The following SYNE3 variants were observed in gnomAD, a reference collection of about 807,000 sequenced individuals.
SYNE3 encodes the protein nesprin-3.
A neutral mutation model predicts 111.2 loss-of-function variants in SYNE3; 100 were observed. That is an observed-to-expected ratio of 0.90 (90% CI 0.77 to 1.06). The LOEUF is 1.06. Among genes scored for constraint, SYNE3 ranks in the 50% least tolerant of loss-of-function variants. The probability of loss-of-function intolerance (pLI) is 0.00; values close to 1 mark genes in which losing one functional copy is unlikely to be tolerated. For missense variants in SYNE3, 1,160 were observed against 1,240.3 expected, an observed-to-expected ratio of 0.94 and a Z score of 0.97; for synonymous variants, 547 against 533.9, an observed-to-expected ratio of 1.02 and a Z score of -0.34.
intron 2 of SYNE3, among the ~76,000 whole-genome samples, chr14:95,471,868 T>C (rs1285231986): frequency 6.6e-6 from 1 of 152,048 alleles, no homozygotes; most frequent in Non-Finnish European, 1.5e-5. Flanking sequence ...TGGAGAGAAG[T>C]ATCAGGAGAC....
intron 7 of SYNE3, chr14:95,450,472 C>T (rs752924278): frequency 7.5e-5 from 15 of 201,226 alleles, no homozygotes; most frequent in Non-Finnish European, 1.2e-4. Context: ...GCCAGGAGTA[C>T]GAGACCAGCC....
chr14:95,475,877 AG>A, intron 1 of SYNE3, 42 bp from the exon 2 acceptor site: 1 of 1,398,584 alleles, frequency 7.2e-7, no homozygotes. Context: ...GCAGGAATGT[AG>A]GGGGCTGCAA....
rs1295550613 is a variant in SYNE3, at chr14:95,450,045, G to A, written c.1335C>T (p.Phe445=). ...NAAAVELWQH[F]QRPLQDLQLW... ...GCTGCAGATCCTGCAGAGGCCGCTG[G>A]AAATGCTGCCACAGCTCCACCGCCG... The change falls in exon 8 of 18, where the codon TTC becomes TTT. Residue 445 remains phenylalanine (F), a synonymous_variant. Transcript: ENST00000682763. 6.4e-7 allele frequency: 1 copy of A among 1,565,588 alleles called. No homozygotes were observed. The highest frequency in any genetic ancestry group is 8.7e-7 in the Non-Finnish European group (1 of 1,155,146).
intron 15 of SYNE3, among the ~76,000 whole-genome samples, chr14:95,435,437 A>G (rs1218590124): frequency 2.0e-5 from 3 of 152,200 alleles, no homozygotes; most frequent in Non-Finnish European, 4.4e-5. Flanking sequence ...ACGAAGAGAG[A>G]AAAGGATGAA....
At chr14:95,418,096 G>T in intron 17 of SYNE3, 70 bp from the exon 18 acceptor site, 1 of 1,531,414 alleles carries the variant, frequency 6.5e-7, no homozygotes. Context: ...TTCAGGGGGC[G>T]AGGAGGATGC....
rs562878238 is a variant in SYNE3, at chr14:95,444,634, G to T, written c.1633-6C>A. 0.012 allele frequency: 9,365 copies of T among 796,106 alleles called. 30 individuals are homozygous for T. Among genetic ancestry groups the T allele is most frequent in the Non-Finnish European group, 0.015 (8,689 of 589,932 alleles). 49.3% of individuals were successfully genotyped at this position (796,106 alleles called of 1,614,324 possible). ...TTGTGCTGAGCGAGCAGGCTCTGCA[G>T]AGACACAGGACAGTGTGCACATTAA... On this transcript the variant is annotated splice_region_variant and splice_polypyrimidine_tract_variant and intron_variant, in intron 9 of 17. Transcript: ENST00000682763.
In SYNE3 at chr14:95,475,865, A is replaced by G. The variant is rs768328507; in HGVS notation, c.-14-30T>C. 3 of 1,447,704 alleles carry G rather than the reference A, an allele frequency of 2.1e-6. No individual in the cohort carries two copies. In the East Asian group the frequency reaches 7.6e-5, roughly 36 times the overall value. The allele number at this position is 1,447,704 out of a possible 1,614,324, so 89.7% of individuals were successfully genotyped here. Reference sequence around the variant, plus strand: ...AGAAAGGGCCACAGATAAGGCCAACAGGCAGGAATGTAGGGGGCTGCAAAA... The same window carrying G: ...AGAAAGGGCCACAGATAAGGCCAACGGGCAGGAATGTAGGGGGCTGCAAAA... On this transcript the variant is annotated intron_variant, in intron 1 of 17. Transcript: ENST00000682763.
At chr14:95,429,802 T>C (rs1336561304) in intron 17 of SYNE3, 3 of 392,572 alleles carry the variant, frequency 7.6e-6, no homozygotes, top group Non-Finnish European at 1.0e-5. Context: ...ACAAGTGGTG[T>C]GACCTTCAGA....
intron 1 of SYNE3, among the ~76,000 whole-genome samples, chr14:95,499,496 C>A (rs1360275227): frequency 6.6e-6 from 1 of 152,086 alleles, no homozygotes; most frequent in Non-Finnish European, 1.5e-5. Flanking sequence ...TACATTCACC[C>A]ATTGGCTTTG....
At chr14:95,494,852 C>A (rs537692866) in intron 1 of SYNE3, among the ~76,000 whole-genome samples, 1 of 152,058 alleles carries the variant, frequency 6.6e-6, no homozygotes, top group South Asian at 2.1e-4. Flanking sequence ...GTGGCTCATG[C>A]CTGTAATCCC....
intron 4 of SYNE3, among the ~76,000 whole-genome samples, chr14:95,464,797 A>T (rs1888063696): frequency 6.6e-6 from 1 of 152,248 alleles, no homozygotes; most frequent in South Asian, 2.1e-4. Context: ...CCCCCCAAGG[A>T]AACAATCTAC....
chr14:95,430,653 G>T lies in SYNE3; in HGVS notation c.2727+1426C>A, dbSNP rs188299990. On this transcript the variant is annotated intron_variant, in intron 17 of 17. Transcript: ENST00000682763. The stretch of plus-strand genomic sequence containing the variant: ...AGCCTGGCCAACATGGTGAAACCCC[G>T]TCTCTACTGAAAATACAAAAATTAG... 2.6e-3 allele frequency among the ~76,000 whole-genome samples: 395 copies of T among 152,194 alleles called. 8 individuals are homozygous for T. The highest frequency in any genetic ancestry group is 9.7e-3 in the East Asian group (50 of 5,174).
In SYNE3 at chr14:95,408,435, C is replaced by G. The variant is rs1903340889; in HGVS notation, c.*9391G>C. The G allele has an allele frequency of 6.6e-6, 1 of 152,246 alleles. No homozygotes were observed. The highest frequency in any genetic ancestry group is 1.5e-5 in the Non-Finnish European group (1 of 68,104). 9.4% of individuals were successfully genotyped at this position (152,246 alleles called of 1,614,324 possible). On this transcript the variant is annotated 3_prime_UTR_variant, in exon 18 of 18. Transcript: ENST00000682763. ...AAGAGGGCATCGTGTCTAAACCAGC[C>G]CAAGGAAATTCCCAGATGACACAGA...
intron 17 of SYNE3, among the ~76,000 whole-genome samples, chr14:95,422,673 C>T (rs931194794): frequency 6.6e-6 from 1 of 152,186 alleles, no homozygotes; most frequent in East Asian, 1.9e-4. Context: ...AAAGATGCTT[C>T]CAGGCAGGCA....
intron 1 of SYNE3, among the ~76,000 whole-genome samples, chr14:95,513,521 C>T (rs1890794046): frequency 6.6e-6 from 1 of 152,018 alleles, no homozygotes; most frequent in Non-Finnish European, 1.5e-5. Flanking sequence ...CCTCAATTAT[C>T]TTCGCAGCAA....
intron 1 of SYNE3, among the ~76,000 whole-genome samples, chr14:95,487,445 T>C (rs1181541152): frequency 6.6e-6 from 1 of 152,142 alleles, no homozygotes; most frequent in Non-Finnish European, 1.5e-5. Context: ...TCACTGTCCG[T>C]GTTGCTGGCA....
At position 95,408,314 on chromosome 14, in the gene SYNE3, A is replaced by G. The variant is rs1327450544; in HGVS notation, c.*9512T>C. On this transcript the variant is annotated 3_prime_UTR_variant, in exon 18 of 18. Transcript: ENST00000682763. ...GGTATTGGAAACTTGCCATTTTCCC[A>G]ACACACACACACAGAAAGAGAGAGA... is the stretch of plus-strand genomic sequence containing the variant. 1 of 151,788 alleles carries G rather than the reference A, an allele frequency of 6.6e-6. No individual in the cohort carries two copies. Among genetic ancestry groups the G allele is most frequent in the Non-Finnish European group, 1.5e-5 (1 of 67,912 alleles). 9.4% of individuals were successfully genotyped at this position (151,788 alleles called of 1,614,324 possible).
chr14:95,452,359 C>T lies in SYNE3; in HGVS notation c.1162G>A (p.Glu388Lys), dbSNP rs752557620. 3 of 1,612,112 alleles carry T rather than the reference C, an allele frequency of 1.9e-6. No individual in the cohort carries two copies. The highest frequency in any genetic ancestry group is 1.3e-5 in the African/African-American group (1 of 74,926). The change falls in exon 7 of 18, where the codon GAG becomes AAG. Residue 388 changes from glutamate to lysine, a missense_variant. Glu to Lys is a moderately conservative substitution (Grantham distance 56). Transcript: ENST00000682763. ...YSATRAALAS[E>K]EPRVDRLQAQ... Reference sequence around the variant, plus strand: ...TGCAGCCGGTCCACCCGGGGCTCCTCCGAGGCCAGCGCCGCCCGTGTTGCC... The same window carrying T: ...TGCAGCCGGTCCACCCGGGGCTCCTTCGAGGCCAGCGCCGCCCGTGTTGCC...
At chr14:95,429,025 C>G (rs1203737719) in intron 17 of SYNE3, among the ~76,000 whole-genome samples, 1 of 152,344 alleles carries the variant, frequency 6.6e-6, no homozygotes, top group South Asian at 2.1e-4. Flanking sequence ...AAGACAGCAC[C>G]TACTTGCTAC....
Sources: gnomAD v4.1 joint callset for allele counts (sites outside exome capture counted in the v4.1 genomes callset) on GRCh38, gnomAD v4.1.1 for gene constraint, MANE v1.5 for transcripts, NCBI Gene and HGNC (gene_info 2026-07-23, HGNC 2026-07-21) for gene names.